The following PLXNC1 variants were observed in gnomAD, a reference collection of about 807,000 sequenced individuals.
PLXNC1 encodes the protein plexin C1, also known as plexin-C1.
A neutral mutation model predicts 178.2 loss-of-function variants in PLXNC1; 75 were observed. That is an observed-to-expected ratio of 0.42 (90% CI 0.35 to 0.51). The LOEUF (loss-of-function observed/expected upper bound fraction) is 0.51, where lower values mean the gene tolerates loss of function less well. Ranked by LOEUF, PLXNC1 falls within the 20% of genes least tolerant of loss-of-function variation. PLXNC1 has a pLI of 0.02. For missense variants in PLXNC1, 1,503 were observed against 1,984.4 expected (o/e 0.76, Z 4.61); for synonymous variants, 790 against 779.9 (o/e 1.01, Z -0.22).
intron 21 of PLXNC1, among the ~76,000 whole-genome samples, chr12:94,272,990 C>T (rs1353599254): frequency 1.3e-5 from 2 of 152,186 alleles, no homozygotes; most frequent in Non-Finnish European, 2.9e-5. Context: ...CTCTTCGCTT[C>T]GCAGCCCAGA....
Position 94,162,526 on chromosome 12 carries a change from T to C in PLXNC1, c.1063-6627T>C, listed in dbSNP as rs186315313. Among the ~76,000 whole-genome samples, 14 of 152,264 alleles carry C rather than the reference T, an allele frequency of 9.2e-5. No homozygotes were observed. In the Middle Eastern group the frequency reaches 0.01, roughly 111 times the overall value. On this transcript the variant is annotated intron_variant, in intron 1 of 30. Transcript: ENST00000258526. ...GAGTAACAGGACCTGTTTCATGTTT[T>C]AAAAGATCACTTTGGCTACTGGACA...
At chr12:94,193,629 A>T (rs17022166) in intron 4 of PLXNC1, among the ~76,000 whole-genome samples, 1 of 152,094 alleles carries the variant, frequency 6.6e-6, no homozygotes, top group Non-Finnish European at 1.5e-5. Flanking sequence ...GCTAGGCACC[A>T]GGTTAGACCC....
rs778782630 is a variant in PLXNC1, at chr12:94,304,223, G to GC, written c.4602+178dup. 89 of 528,926 alleles carry GC rather than the reference G, an allele frequency of 1.7e-4. 1 individual carries two copies. Among genetic ancestry groups the GC allele is most frequent in the Admixed American group, 1.2e-3 (35 of 29,066 alleles). 32.8% of individuals were successfully genotyped at this position (528,926 alleles called of 1,614,324 possible). On this transcript the variant is annotated intron_variant, in intron 30 of 30. Transcript: ENST00000258526. Reference sequence around the variant, plus strand: ...ACTGAGCCAGACCCTGTACATGGCTGCCCCCCTTACAGTTTTATCATGCTG... The same window carrying GC: ...ACTGAGCCAGACCCTGTACATGGCTGCCCCCCCTTACAGTTTTATCATGCTG...
At chr12:94,242,007 AAAG>A (rs1415935788) in intron 11 of PLXNC1, among the ~76,000 whole-genome samples, 1 of 152,032 alleles carries the variant, frequency 6.6e-6, no homozygotes, top group Non-Finnish European at 1.5e-5. Flanking sequence ...AAGAAGAAGA[AAAG>A]GAGGGGAAGA....
rs1363520964 is a variant in PLXNC1 at position 94,227,246 on chromosome 12, A to G, written c.1980+11A>G. ...AACCAGGCTTTACAGGTCAGACCCT[A>G]TTTTTGTGTGGTTGAGGGGAAAACC... On this transcript the variant is annotated intron_variant, in intron 9 of 30. Coordinates refer to ENST00000258526, the MANE Select transcript of PLXNC1 (RefSeq NM_005761.3). The G allele has an allele frequency of 1.3e-6, 2 of 1,557,572 alleles. No homozygotes were observed. Among genetic ancestry groups the G allele is most frequent in the Admixed American group, 3.3e-5 (2 of 59,824 alleles).
chr12:94,210,971 A>T (rs1374462412), intron 5 of PLXNC1, among the ~76,000 whole-genome samples: 1 of 152,234 alleles, frequency 6.6e-6, no homozygotes, highest in Non-Finnish European at 1.5e-5. Flanking sequence ...CAGGACTCTG[A>T]TAAGTGGTTA....
At chr12:94,287,006 C>T (rs1030952939) in intron 23 of PLXNC1, among the ~76,000 whole-genome samples, 1 of 152,182 alleles carries the variant, frequency 6.6e-6, no homozygotes, top group Admixed American at 6.5e-5. Flanking sequence ...CCTTGGCAAC[C>T]CCCAGCACCG....
intron 10 of PLXNC1, among the ~76,000 whole-genome samples, 195 bp from the exon 11 acceptor site, chr12:94,240,290 T>C (rs1184696014): frequency 6.6e-6 from 1 of 152,210 alleles, no homozygotes; most frequent in East Asian, 1.9e-4. Flanking sequence ...AAAAATGTAC[T>C]AAAGAAAGAG....
chr12:94,286,196 A>G (rs994588527), intron 23 of PLXNC1, among the ~76,000 whole-genome samples: 10 of 152,222 alleles, frequency 6.6e-5, no homozygotes, highest in African/African-American at 2.2e-4. Context: ...GTGTTGCTGC[A>G]TGGTGGTAAT....
chr12:94,275,682 T>TGGA (rs1965885666), intron 21 of PLXNC1, among the ~76,000 whole-genome samples: 1 of 110,884 alleles, frequency 9.0e-6, no homozygotes, highest in African/African-American at 3.7e-5. Flanking sequence ...TGAAACCCCG[T>TGGA]CTCTACTAAA....
chr12:94,301,942 C>A (rs1176135918), intron 28 of PLXNC1, among the ~76,000 whole-genome samples: 1 of 151,950 alleles, frequency 6.6e-6, no homozygotes, highest in Admixed American at 6.6e-5. Context: ...GTCTGTCGCT[C>A]CCTCCTCCTT....
chr12:94,282,437 A>G (rs375432047), intron 23 of PLXNC1, 36 bp downstream of exon 23: 107 of 1,311,430 alleles, frequency 8.2e-5, no homozygotes, highest in Non-Finnish European at 1.1e-4. Context: ...CTCCTTCCTC[A>G]TCCCCAATCC....
In PLXNC1 at chr12:94,160,580, C is replaced by T. The variant is rs551425066; in HGVS notation, c.1063-8573C>T. On this transcript the variant is annotated intron_variant, in intron 1 of 30. Coordinates refer to ENST00000258526, the MANE Select transcript of PLXNC1 (RefSeq NM_005761.3). ...TTGACCCCTTTTAAAAATTGGATTC[C>T]GAGTGCAAAGCCTTGCTTCTCTGAG... Among the ~76,000 whole-genome samples, 11 of 152,170 alleles carry T rather than the reference C, an allele frequency of 7.2e-5. No homozygotes were observed. The South Asian group carries it at 1.7e-3, about 23-fold the overall frequency.
chr12:94,251,885 A>G (rs538510272), intron 15 of PLXNC1, among the ~76,000 whole-genome samples: 1 of 152,308 alleles, frequency 6.6e-6, no homozygotes, highest in East Asian at 1.9e-4. Flanking sequence ...CCAGCTACTC[A>G]GGAGACTGAG....
chr12:94,304,557 T>C (rs1968805989), intron 30 of PLXNC1, among the ~76,000 whole-genome samples: 1 of 152,200 alleles, frequency 6.6e-6, no homozygotes, highest in African/African-American at 2.4e-5. Context: ...ATCAGATGCT[T>C]TGTTTCCAAA....
chr12:94,239,091 A>G (rs1380547200), intron 10 of PLXNC1, among the ~76,000 whole-genome samples: 1 of 152,174 alleles, frequency 6.6e-6, no homozygotes, highest in African/African-American at 2.4e-5. Flanking sequence ...TTCTCATTTT[A>G]ATTCCGAATG....
intron 5 of PLXNC1, among the ~76,000 whole-genome samples, chr12:94,213,635 G>T (rs1225316306): frequency 2.6e-5 from 4 of 152,088 alleles, no homozygotes; most frequent in Non-Finnish European, 4.4e-5. Context: ...TTCTTTTGCC[G>T]TGCAGAAGCT....
At chr12:94,171,170 C>T (rs540078262) in intron 2 of PLXNC1, among the ~76,000 whole-genome samples, 7 of 152,304 alleles carry the variant, frequency 4.6e-5, no homozygotes, top group Middle Eastern at 3.4e-3. Context: ...GCCTGCATGC[C>T]GCTGGCCAGC....
At chr12:94,182,660 G>A (rs1174610439) in intron 3 of PLXNC1, among the ~76,000 whole-genome samples, 2 of 151,550 alleles carry the variant, frequency 1.3e-5, no homozygotes, top group East Asian at 3.9e-4. Context: ...AGGAGGTGGA[G>A]TTTGCAGTGA....
Sources: gnomAD v4.1 joint callset for allele counts (sites outside exome capture counted in the v4.1 genomes callset) on GRCh38, gnomAD v4.1.1 for gene constraint, MANE v1.5 for transcripts, NCBI Gene and HGNC (gene_info 2026-07-23, HGNC 2026-07-21) for gene names.